SLC24A2: variants seen among roughly 807,000 people sequenced by gnomAD.
The protein encoded by SLC24A2 is sodium/potassium/calcium exchanger 2.
A neutral mutation model predicts 62.0 loss-of-function variants in SLC24A2; 36 were observed. The ratio of observed to expected loss-of-function variants is 0.58; its 90% CI spans 0.44 to 0.77. SLC24A2 has a LOEUF of 0.77. Among genes scored for constraint, SLC24A2 ranks in the 30% least tolerant of loss-of-function variants. The probability of loss-of-function intolerance (pLI) is 0.00; values close to 1 mark genes in which losing one functional copy is unlikely to be tolerated. For missense variants in SLC24A2, 846 were observed against 817.9 expected, an observed-to-expected ratio of 1.03 and a Z score of -0.42; for synonymous variants, 358 against 294.0, an observed-to-expected ratio of 1.22 and a Z score of -2.23.
chr9:20,168,212 G>T, the SLC24A2 span, among the ~76,000 whole-genome samples: 12 of 151,878 alleles, frequency 7.9e-5, no homozygotes, highest in Admixed American at 5.3e-4. Flanking sequence ...AAACAAATGT[G>T]GCAAAATGAC....
chr9:20,034,009 G>A, the SLC24A2 span, among the ~76,000 whole-genome samples: 1 of 152,122 alleles, frequency 6.6e-6, no homozygotes, highest in Non-Finnish European at 1.5e-5. Flanking sequence ...TACCACATTA[G>A]CACTGTAGAT....
the SLC24A2 span, among the ~76,000 whole-genome samples, chr9:20,185,405 C>T: frequency 1.3e-5 from 2 of 151,846 alleles, no homozygotes; most frequent in Non-Finnish European, 2.9e-5. Flanking sequence ...GCGGCTCACG[C>T]CTGTAATCCC....
chr9:19,904,481 A>T, the SLC24A2 span, among the ~76,000 whole-genome samples: 7 of 152,370 alleles, frequency 4.6e-5, no homozygotes, highest in African/African-American at 1.7e-4. Flanking sequence ...TAGATTGGAC[A>T]AAAACTGGTC....
the SLC24A2 span, among the ~76,000 whole-genome samples, chr9:19,817,942 C>A: frequency 6.6e-6 from 1 of 152,032 alleles, no homozygotes; most frequent in East Asian, 1.9e-4. Flanking sequence ...GTTACCCAGG[C>A]TGGTCTTGAA....
intron 1 of SLC24A2, among the ~76,000 whole-genome samples, chr9:19,788,230 G>A (rs1032455027): frequency 6.6e-6 from 1 of 152,190 alleles, no homozygotes; most frequent in South Asian, 2.1e-4. Flanking sequence ...ACCCCATCAC[G>A]GAGATTCCCA....
At chr9:19,549,888 C>T (rs1418067238) in intron 8 of SLC24A2, among the ~76,000 whole-genome samples, 1 of 152,180 alleles carries the variant, frequency 6.6e-6, no homozygotes, top group African/African-American at 2.4e-5. Flanking sequence ...GATTTGATAA[C>T]CTGAACAATC....
chr9:19,770,687 G>C (rs1299158520), intron 2 of SLC24A2, among the ~76,000 whole-genome samples: 2 of 152,166 alleles, frequency 1.3e-5, no homozygotes, highest in Non-Finnish European at 2.9e-5. Context: ...TAGTGAGACA[G>C]TAGCACATAA....
rs574636393 is a variant in SLC24A2, at chr9:19,654,063, T to C, written c.931-31764A>G. Among the ~76,000 whole-genome samples, 3 of 152,292 alleles carry C rather than the reference T, an allele frequency of 2.0e-5. No individual in the cohort carries two copies. In the East Asian group the frequency reaches 5.8e-4, roughly 29 times the overall value. On this transcript the variant is annotated intron_variant, in intron 2 of 10. Transcript: ENST00000341998. ...AACATTTCCATCACTTCAAAGAAGT[T>C]TCTCCATGGCCCTTTGTAATCCCCA...
upstream of SLC24A2, among the ~76,000 whole-genome samples, chr9:19,789,543 C>G (rs946721472): frequency 6.6e-6 from 1 of 152,162 alleles, no homozygotes; most frequent in African/African-American, 2.4e-5. Flanking sequence ...GCAGGGTGAC[C>G]TTTCATTTCA....
At chr9:19,712,548 T>C (rs1820744456) in intron 2 of SLC24A2, among the ~76,000 whole-genome samples, 1 of 152,204 alleles carries the variant, frequency 6.6e-6, no homozygotes, top group South Asian at 2.1e-4. Flanking sequence ...AGCAGACAAA[T>C]GAGAGGCAGG....
chr9:19,611,277 GAA>G (rs1185680574), intron 4 of SLC24A2, among the ~76,000 whole-genome samples: 1 of 151,104 alleles, frequency 6.6e-6, no homozygotes, highest in Non-Finnish European at 1.5e-5. Context: ...ACATGTGAGA[GAA>G]AAGAGAGAAG....
the SLC24A2 span, among the ~76,000 whole-genome samples, chr9:19,976,911 A>G: frequency 1.3e-5 from 2 of 152,218 alleles, no homozygotes; most frequent in African/African-American, 4.8e-5. Flanking sequence ...TACAGCAACA[A>G]TAAATGTTTG....
chr9:20,035,627 A>T, the SLC24A2 span, among the ~76,000 whole-genome samples: 4 of 152,134 alleles, frequency 2.6e-5, no homozygotes, highest in Admixed American at 2.0e-4. Context: ...GGTGGTGCAC[A>T]TGTGTAGTCC....
the SLC24A2 span, among the ~76,000 whole-genome samples, chr9:19,891,277 T>C: frequency 6.6e-6 from 1 of 152,218 alleles, no homozygotes; most frequent in Non-Finnish European, 1.5e-5. Context: ...TCAGAGCATG[T>C]CACTGTCCTG....
At chr9:19,600,358 C>G (rs955421048) in intron 4 of SLC24A2, among the ~76,000 whole-genome samples, 1 of 152,188 alleles carries the variant, frequency 6.6e-6, no homozygotes, top group Non-Finnish European at 1.5e-5. Flanking sequence ...ATCACACTAG[C>G]CAAAAGAGTG....
the SLC24A2 span, among the ~76,000 whole-genome samples, chr9:20,077,123 A>G: frequency 6.6e-6 from 1 of 151,918 alleles, no homozygotes; most frequent in Non-Finnish European, 1.5e-5. Context: ...AAAAAGTGGT[A>G]ATCAGGGGCA....
chr9:19,531,809 T>C (rs1390038576), intron 8 of SLC24A2, among the ~76,000 whole-genome samples: 2 of 150,766 alleles, frequency 1.3e-5, no homozygotes, highest in Non-Finnish European at 2.9e-5. Context: ...GACAAATTAT[T>C]TAATCTCTTT....
the SLC24A2 span, among the ~76,000 whole-genome samples, chr9:20,102,429 G>A: frequency 6.6e-6 from 1 of 151,158 alleles, no homozygotes; most frequent in African/African-American, 2.4e-5. Flanking sequence ...ACTCCTAAGT[G>A]GGAGTTGAAC....
chr9:20,043,104 G>T, the SLC24A2 span, among the ~76,000 whole-genome samples: 1 of 152,118 alleles, frequency 6.6e-6, no homozygotes, highest in African/African-American at 2.4e-5. Context: ...TAATTCAAAA[G>T]CCACAAATGA....
Sources: gnomAD v4.1 joint callset for allele counts (sites outside exome capture counted in the v4.1 genomes callset) on GRCh38, gnomAD v4.1.1 for gene constraint, MANE v1.5 for transcripts, NCBI Gene and HGNC (gene_info 2026-07-23, HGNC 2026-07-21) for gene names.